The following NEK5 variants were observed in gnomAD, a reference collection of about 807,000 sequenced individuals.
NEK5 encodes serine/threonine-protein kinase Nek5.
A neutral mutation model predicts 109.2 loss-of-function variants in NEK5; 88 were observed. The observed-to-expected ratio is 0.81, with a 90% confidence interval of 0.68 to 0.96. The LOEUF (loss-of-function observed/expected upper bound fraction) is 0.96. Ranked by LOEUF, NEK5 falls within the 40% of genes least tolerant of loss-of-function variation. NEK5 has a pLI of 0.00. For synonymous variants in NEK5, 283 were observed against 299.9 expected (o/e 0.94, Z 0.58); for missense variants, 834 against 920.7 (o/e 0.91, Z 1.22).
intron 9 of NEK5, among the ~76,000 whole-genome samples, chr13:52,103,275 A>C (rs1237730707): frequency 6.6e-6 from 1 of 152,068 alleles, no homozygotes; most frequent in South Asian, 2.1e-4. Flanking sequence ...CTAAAAATAC[A>C]AAAAAATTAG....
In NEK5 at chr13:52,081,952, A is replaced by G. The variant is rs147884829; in HGVS notation, c.1572+1308T>C. ...AATACCTTGAGGATTTTCCATTTCT[A>G]GTTGACTCTGGACCAAGCTCTAATA... On this transcript the variant is annotated intron_variant, in intron 17 of 23. Coordinates refer to ENST00000684899, the MANE Select transcript of NEK5 (RefSeq NM_001365552.1). Among the ~76,000 whole-genome samples, 489 of 152,330 alleles carry G rather than the reference A, an allele frequency of 3.2e-3. 3 individuals are homozygous for G. Among genetic ancestry groups the G allele is most frequent in the African/African-American group, 0.011 (440 of 41,574 alleles).
At chr13:52,083,822 T>C (rs1347390975) in intron 16 of NEK5, among the ~76,000 whole-genome samples, 2 of 152,084 alleles carry the variant, frequency 1.3e-5, no homozygotes, top group Non-Finnish European at 2.9e-5. Flanking sequence ...AGGCGTGAGC[T>C]ACCGCGCCTG....
Position 52,076,062 on chromosome 13 carries a change from C to T in NEK5, c.1653+1G>A. 1 of 1,565,958 alleles carries T rather than the reference C, an allele frequency of 6.4e-7. No homozygotes were observed. The highest frequency in any genetic ancestry group is 8.8e-7 in the Non-Finnish European group (1 of 1,142,070). ...AACCCAAAGACAAAAGTATTTCTTA[C>T]CTTAGCTTTATATTTCTGTTCTGGA... On this transcript the variant is annotated splice_donor_variant, in intron 18 of 23. Transcript: ENST00000684899. LOFTEE classifies it high-confidence loss of function.
chr13:52,059,468 G>C (rs1413377075), intron 22 of NEK5, among the ~76,000 whole-genome samples: 1 of 130,688 alleles, frequency 7.7e-6, no homozygotes, highest in South Asian at 2.9e-4. Context: ...ATACCCAAAG[G>C]ACTATAAATC....
chr13:52,053,812 G>A (rs1352568818), intron 22 of NEK5, among the ~76,000 whole-genome samples: 3 of 152,136 alleles, frequency 2.0e-5, no homozygotes, highest in East Asian at 1.9e-4. Context: ...TGAGAATTCC[G>A]AAGTGGTTTT....
intron 12 of NEK5, among the ~76,000 whole-genome samples, 194 bp from the exon 13 acceptor site, chr13:52,093,429 G>A (rs544919664): frequency 7.2e-5 from 11 of 151,992 alleles, no homozygotes; most frequent in East Asian, 1.9e-4. Flanking sequence ...GCATGGTGGC[G>A]CACGCCTGTA....
chr13:52,080,379 G>A (rs1490658586), intron 17 of NEK5, among the ~76,000 whole-genome samples: 9 of 151,772 alleles, frequency 5.9e-5, no homozygotes, highest in Non-Finnish European at 1.3e-4. Context: ...CCACCACCCC[G>A]TCTGGGAGGT....
chr13:52,083,771 C>T (rs1001799932), intron 16 of NEK5, among the ~76,000 whole-genome samples: 1 of 152,114 alleles, frequency 6.6e-6, no homozygotes, highest in African/African-American at 2.4e-5. Context: ...CTCCCGACCT[C>T]GTGATCCGCC....
chr13:52,051,043 A>G (rs1450386626), intron 22 of NEK5, among the ~76,000 whole-genome samples: 4 of 141,122 alleles, frequency 2.8e-5, no homozygotes, highest in Admixed American at 7.4e-5. Context: ...TAATACCACA[A>G]AGAATTATAA....
chr13:52,091,266 T>C (rs963255620), intron 13 of NEK5, among the ~76,000 whole-genome samples: 1 of 152,190 alleles, frequency 6.6e-6, no homozygotes, highest in African/African-American at 2.4e-5. Flanking sequence ...GTGGAAGATA[T>C]ATTTTCCCAG....
At position 52,037,310 on chromosome 13, in the gene NEK5, T is replaced by C. The variant is rs1390641769; in HGVS notation, c.2229-92A>G. 3 of 522,474 alleles carry C rather than the reference T, an allele frequency of 5.7e-6. No homozygotes were observed. The East Asian group carries it at 4.5e-4, about 78-fold the overall frequency. The allele number at this position is 522,474 out of a possible 1,614,324, so 32.4% of individuals were successfully genotyped here. On this transcript the variant is annotated intron_variant, in intron 23 of 23. Coordinates refer to ENST00000684899, the MANE Select transcript of NEK5 (RefSeq NM_001365552.1). ...CGTTTCCCTTTTCTCCATCCCCAGT[T>C]GAGCAATATAAAAGTTGCATTTTCA...
At position 52,110,616 on chromosome 13, in the gene NEK5, GGTA is replaced by G. The variant is rs766369384; in HGVS notation, c.313-42_313-40del. ...ACAAAACAAAGCCACTGAATAGCCTGGTAGTCACTGAAATGTCTTCATGGTAAC... is the reference window on the plus strand; with the variant it reads ...ACAAAACAAAGCCACTGAATAGCCTGGTCACTGAAATGTCTTCATGGTAAC... On this transcript the variant is annotated intron_variant, in intron 5 of 23. Coordinates refer to ENST00000684899, the MANE Select transcript of NEK5 (RefSeq NM_001365552.1). The G allele has an allele frequency of 2.9e-5, 36 of 1,247,150 alleles. No individual in the cohort carries two copies. The East Asian group carries it at 6.9e-4, about 24-fold the overall frequency. The allele number at this position is 1,247,150 out of a possible 1,614,324, so 77.3% of individuals were successfully genotyped here. A position where few individuals can be genotyped will look rare whatever the true frequency, so the allele number is the denominator to read the frequency against.
chr13:52,104,218 C>T (rs1278932579), intron 9 of NEK5, among the ~76,000 whole-genome samples: 1 of 152,184 alleles, frequency 6.6e-6, no homozygotes, highest in African/African-American at 2.4e-5. Context: ...CCGCCTCAGC[C>T]TCCCAAAGTG....
At chr13:52,127,163 G>A (rs962707127) in intron 3 of NEK5, among the ~76,000 whole-genome samples, 1 of 152,122 alleles carries the variant, frequency 6.6e-6, no homozygotes, top group African/African-American at 2.4e-5. Flanking sequence ...GGATTACAGG[G>A]GTGAGCCAGT....
intron 4 of NEK5, among the ~76,000 whole-genome samples, chr13:52,117,608 G>T (rs1955886188): frequency 1.3e-5 from 2 of 152,142 alleles, no homozygotes; most frequent in African/African-American, 4.8e-5. Flanking sequence ...TCTAAAAGTG[G>T]TCCAGTCCAT....
chr13:52,106,042 A>G (rs144188481), intron 8 of NEK5, among the ~76,000 whole-genome samples: 157 of 152,210 alleles, frequency 1.0e-3, no homozygotes, highest in African/African-American at 3.6e-3. Context: ...CAGTACAAGC[A>G]AACAAAACAA....
intron 23 of NEK5, among the ~76,000 whole-genome samples, chr13:52,046,312 A>G (rs1954458573): frequency 6.7e-6 from 1 of 148,366 alleles, no homozygotes; most frequent in South Asian, 2.1e-4. Flanking sequence ...CCCTGTCTCT[A>G]CAAAAAAAAA....
intron 16 of NEK5, among the ~76,000 whole-genome samples, chr13:52,084,884 C>T (rs763618633): frequency 4.0e-5 from 6 of 151,686 alleles, no homozygotes; most frequent in Non-Finnish European, 7.4e-5. Flanking sequence ...AATCCTCCCA[C>T]CTCAGCCTTT....
chr13:52,115,938 G>C (rs903573898), intron 4 of NEK5, among the ~76,000 whole-genome samples: 1 of 152,152 alleles, frequency 6.6e-6, no homozygotes, highest in Non-Finnish European at 1.5e-5. Context: ...GGGAGGCCAA[G>C]GCTAAGGCAG....
Sources: gnomAD v4.1 joint callset for allele counts (sites outside exome capture counted in the v4.1 genomes callset) on GRCh38, gnomAD v4.1.1 for gene constraint, MANE v1.5 for transcripts, NCBI Gene and HGNC (gene_info 2026-07-23, HGNC 2026-07-21) for gene names.